SHC2: variants seen among roughly 807,000 people sequenced by gnomAD.
SHC2 encodes SHC-transforming protein 2.
Under a neutral mutation model 60.6 loss-of-function variants are expected in SHC2, and 62 were observed. That is an observed-to-expected ratio of 1.02 (90% CI 0.83 to 1.26). SHC2 has a LOEUF of 1.26. Ranked by LOEUF, SHC2 falls within the 50% of genes most tolerant of loss-of-function variation. SHC2 has a pLI of 0.00. For missense variants in SHC2, 873 were observed against 822.2 expected, an observed-to-expected ratio of 1.06 and a Z score of -0.76; for synonymous variants, 375 against 372.4, an observed-to-expected ratio of 1.01 and a Z score of -0.08.
rs538389524 is a variant in SHC2 at position 425,566 on chromosome 19, C to T, written c.1175-335G>A. Among the ~76,000 whole-genome samples, 47 of 152,366 alleles carry T rather than the reference C, an allele frequency of 3.1e-4. No homozygotes were observed. ...GCCCTCCCCGGCCCAGGGTCCAGAG[C>T]TTCCCAGTGCGTGTATGTTCAGTCT... is the stretch of plus-strand genomic sequence containing the variant. On this transcript the variant is annotated intron_variant, in intron 9 of 12. Transcript: ENST00000264554. The surrounding 1 kb of genome is among the most constrained non-coding windows in gnomAD (Gnocchi z 4.1).
chr19:451,500 T>C (rs1169708823), intron 1 of SHC2, among the ~76,000 whole-genome samples: 3 of 152,272 alleles, frequency 2.0e-5, no homozygotes, highest in Non-Finnish European at 4.4e-5. Flanking sequence ...GCCGTGAGTG[T>C]ACAAACATCC....
At chr19:437,660 C>T (rs966054771) in intron 4 of SHC2, among the ~76,000 whole-genome samples, 14 of 152,114 alleles carry the variant, frequency 9.2e-5, no homozygotes, top group Admixed American at 6.6e-4. Flanking sequence ...GGAAATGGCC[C>T]TCAGTCACCC....
chr19:422,556 T>G lies in SHC2; in HGVS notation c.1310-100A>C. 1.0e-6 allele frequency: 1 copy of G among 968,606 alleles called. No homozygotes were observed. Among genetic ancestry groups the G allele is most frequent in the East Asian group, 2.6e-5 (1 of 37,892 alleles). 60.0% of individuals were successfully genotyped at this position (968,606 alleles called of 1,614,324 possible). ...AACGGGTTCCCCGGGGAGTCCCTCG[T>G]GCACCCGTCGGCCTGCGCTGACCGA... On this transcript the variant is annotated intron_variant, in intron 10 of 12. Transcript: ENST00000264554. The surrounding 1 kb of genome is among the most constrained non-coding windows in gnomAD (Gnocchi z 5.0).
At chr19:447,637 G>C (rs1975081952) in intron 1 of SHC2, among the ~76,000 whole-genome samples, 1 of 152,132 alleles carries the variant, frequency 6.6e-6, no homozygotes, top group Admixed American at 6.5e-5. Context: ...GATTAGCTGG[G>C]CATGTTGGCT....
At chr19:418,548 C>T (rs1350805642) in intron 12 of SHC2, among the ~76,000 whole-genome samples, 7 of 152,336 alleles carry the variant, frequency 4.6e-5, no homozygotes, top group African/African-American at 1.4e-4. Flanking sequence ...GGCTCTGGCC[C>T]GGGCCACGGC....
intron 7 of SHC2, among the ~76,000 whole-genome samples, chr19:435,234 C>T (rs1292003018): frequency 1.3e-5 from 2 of 152,254 alleles, no homozygotes; most frequent in South Asian, 2.1e-4. Context: ...AAAGCGCCCC[C>T]GCCCTCTGGC....
rs1268194762 is a variant in SHC2, at chr19:424,345, C to T, written c.1309+752G>A. Among the ~76,000 whole-genome samples, 1 of 152,188 alleles carries T rather than the reference C, an allele frequency of 6.6e-6. No homozygotes were observed. The highest frequency in any genetic ancestry group is 1.5e-5 in the Non-Finnish European group (1 of 68,018). On this transcript the variant is annotated intron_variant, in intron 10 of 12. Coordinates refer to ENST00000264554, the MANE Select transcript of SHC2 (RefSeq NM_012435.3). This position sits in a 1 kb window ranked among gnomAD's most constrained non-coding sequence, Gnocchi z 4.5. Reference sequence around the variant, plus strand: ...ACTAAGCCTCCCTCATTGGACTGGGCGTTCCTTCAAGCAGGAAGCTGTGCC... The same window carrying T: ...ACTAAGCCTCCCTCATTGGACTGGGTGTTCCTTCAAGCAGGAAGCTGTGCC...
chr19:449,889 T>C (rs1975137477), intron 1 of SHC2, among the ~76,000 whole-genome samples: 2 of 152,228 alleles, frequency 1.3e-5, no homozygotes, highest in Admixed American at 1.3e-4. Flanking sequence ...TTCGTCTCAA[T>C]AGAATTCCAA....
chr19:460,549 C>A lies in SHC2; in HGVS notation c.448G>T (p.Gly150Trp). The stretch of plus-strand genomic sequence containing the variant: ...CTCACCCGCACGACGTAGGAGACCC[C>A]GGGCCCCAGGACCCTGGCGTCGGGG... ...LHPDARVLGP[G>W]VSYVVRYMGC... The change falls in exon 1 of 13, where the codon GGG (glycine) becomes TGG (tryptophan). Residue 150 changes from glycine (G) to tryptophan (W), a missense_variant. Coordinates refer to ENST00000264554, the MANE Select transcript of SHC2 (RefSeq NM_012435.3). The A allele has an allele frequency of 7.1e-7, 1 of 1,404,492 alleles. No individual in the cohort carries two copies. Among genetic ancestry groups the A allele is most frequent in the Non-Finnish European group, 9.3e-7 (1 of 1,073,486 alleles). The allele number at this position is 1,404,492 out of a possible 1,614,324, so 87.0% of individuals were successfully genotyped here. A position where few individuals can be genotyped will look rare whatever the true frequency, so the allele number is the denominator to read the frequency against.
At chr19:457,149 C>G (rs1244255451) in intron 1 of SHC2, among the ~76,000 whole-genome samples, 2 of 137,366 alleles carry the variant, frequency 1.5e-5, no homozygotes, top group African/African-American at 2.9e-5. Flanking sequence ...TCTGCAAACC[C>G]CACCACATCA....
At position 438,728 on chromosome 19, in the gene SHC2, G is replaced by A; in HGVS notation, c.710C>T (p.Ala237Val). 6.4e-7 allele frequency: 1 copy of A among 1,560,796 alleles called. No individual in the cohort carries two copies. Among genetic ancestry groups the A allele is most frequent in the Admixed American group, 1.9e-5 (1 of 52,200 alleles). The change falls in exon 4 of 13, where the codon GCC becomes GTC. Residue 237 changes from alanine to valine, a missense_variant. Physicochemically the swap from Ala to Val is moderately conservative, Grantham distance 64. Transcript: ENST00000264554. The surrounding 1 kb of genome is among the most constrained non-coding windows in gnomAD (Gnocchi z 5.0). ...AGAGGGCAGACCCACCTGGCGCGTG[G>A]CAGGCACGGAGAGGCTGAGGCCATC... ...STDGLSLSVP[A>V]TRQVIANHHM... is the part of the protein sequence containing the mutation.
At position 446,766 on chromosome 19, in the gene SHC2, C is replaced by T. The variant is rs139274011; in HGVS notation, c.469-5834G>A. 6.6e-6 allele frequency among the ~76,000 whole-genome samples: 1 copy of T among 152,152 alleles called. No individual in the cohort carries two copies. The highest frequency in any genetic ancestry group is 2.4e-5 in the African/African-American group (1 of 41,436). On this transcript the variant is annotated intron_variant, in intron 1 of 12. Transcript: ENST00000264554. This position sits in a 1 kb window ranked among gnomAD's most constrained non-coding sequence, Gnocchi z 5.4. ...GAGAGAAGGCATGACCCAGAACCCACCCCAGGACGTTAAGGGAAGGAGCCA... is the reference window on the plus strand; with the variant it reads ...GAGAGAAGGCATGACCCAGAACCCATCCCAGGACGTTAAGGGAAGGAGCCA...
chr19:437,517 T>C (rs1199538281), intron 4 of SHC2, among the ~76,000 whole-genome samples: 3 of 152,082 alleles, frequency 2.0e-5, no homozygotes, highest in Middle Eastern at 3.4e-3. Context: ...TCAGCCCCCA[T>C]AGGGACCCTC....
In SHC2 at chr19:422,581, AG is replaced by A; in HGVS notation, c.1310-126del. 2 of 752,710 alleles carry A rather than the reference AG, an allele frequency of 2.7e-6. No individual in the cohort carries two copies. 46.6% of individuals were successfully genotyped at this position (752,710 alleles called of 1,614,324 possible). ...TGCACCCGTCGGCCTGCGCTGACCG[AG>A]CGCCCACAGCGTATCAGACTCGCAC... On this transcript the variant is annotated intron_variant, in intron 10 of 12. Coordinates refer to ENST00000264554, the MANE Select transcript of SHC2 (RefSeq NM_012435.3). The surrounding 1 kb of genome is among the most constrained non-coding windows in gnomAD (Gnocchi z 5.0).
chr19:437,634 G>A (rs1974757178), intron 4 of SHC2, among the ~76,000 whole-genome samples: 1 of 152,082 alleles, frequency 6.6e-6, no homozygotes, highest in Non-Finnish European at 1.5e-5. Context: ...GGTGGGGGCA[G>A]AGATGGAAAT....
intron 11 of SHC2, 80 bp from the exon 12 acceptor site, chr19:419,136 T>C: frequency 6.9e-7 from 1 of 1,455,116 alleles, no homozygotes; most frequent in Non-Finnish European, 9.2e-7. Context: ...TCTGGGGTCC[T>C]GCCGGGGAGC....
At chr19:460,134 C>G (rs1257452372) in intron 1 of SHC2, among the ~76,000 whole-genome samples, 1 of 152,244 alleles carries the variant, frequency 6.6e-6, no homozygotes, top group African/African-American at 2.4e-5. Context: ...ACACCCCTTC[C>G]CGCACCCCCA....
intron 11 of SHC2, among the ~76,000 whole-genome samples, chr19:420,710 G>C (rs995329902): frequency 2.6e-5 from 4 of 152,198 alleles, no homozygotes; most frequent in African/African-American, 9.7e-5. Context: ...ACAAAATCCA[G>C]ACTCTAGAGA....
Position 446,839 on chromosome 19 carries a change from C to T in SHC2, c.469-5907G>A, listed in dbSNP as rs372920196. 1.6e-4 allele frequency among the ~76,000 whole-genome samples: 24 copies of T among 152,264 alleles called. No homozygotes were observed. Among genetic ancestry groups the T allele is most frequent in the African/African-American group, 5.3e-4 (22 of 41,572 alleles). ...GCCCAGAGAGGGGATGGCACCTGGC[C>T]GGCCTCACGCACGCAGCAGGCCAGG... On this transcript the variant is annotated intron_variant, in intron 1 of 12. Coordinates refer to ENST00000264554, the MANE Select transcript of SHC2 (RefSeq NM_012435.3). The surrounding 1 kb of genome is among the most constrained non-coding windows in gnomAD (Gnocchi z 5.4).
Sources: allele counts gnomAD v4.1 joint callset (sites outside exome capture counted in the v4.1 genomes callset), GRCh38; gene constraint gnomAD v4.1.1; non-coding constraint Gnocchi (gnomAD v3.1); transcripts MANE v1.5; gene names NCBI Gene and HGNC (gene_info 2026-07-23, HGNC 2026-07-21).